Variants in COL4A1 observed in about 807,000 individuals in gnomAD.
COL4A1 encodes collagen type IV alpha 1 chain, also known as collagen alpha-1(IV) chain.
COL4A1 carries 40 observed loss-of-function variants against 216.6 expected under a neutral mutation model. The ratio of observed to expected loss-of-function variants is 0.18; its 90% confidence interval spans 0.14 to 0.24. COL4A1 has a LOEUF of 0.24. COL4A1 is among the 10% of genes least tolerant of loss of function. The pLI is 1.00. For missense variants in COL4A1, 1,628 were observed against 2,196.8 expected, an observed-to-expected ratio of 0.74 and a Z score of 5.18; for synonymous variants, 839 against 810.7, an observed-to-expected ratio of 1.03 and a Z score of -0.59.
intron 2 of COL4A1, among the ~76,000 whole-genome samples, chr13:110,226,517 A>C (rs1392274672): frequency 6.6e-6 from 1 of 152,230 alleles, no homozygotes; most frequent in Non-Finnish European, 1.5e-5. Flanking sequence ...ATACTCCATT[A>C]ATCATACTTG....
intron 41 of COL4A1, among the ~76,000 whole-genome samples, chr13:110,171,828 T>G (rs1203610361): frequency 3.9e-5 from 6 of 152,172 alleles, no homozygotes; most frequent in Non-Finnish European, 8.8e-5. Context: ...CTTGAGCAGG[T>G]GCATTTGCAA....
Position 110,189,580 on chromosome 13 carries a change from C to G in COL4A1, c.1537-2251G>C, listed in dbSNP as rs188076206. Reference sequence around the variant, plus strand: ...ACACCCAGTCTATTTGCTCTGGGTCCCAGGAAAGGCAACAAATTATTTCTA... The same window carrying G: ...ACACCCAGTCTATTTGCTCTGGGTCGCAGGAAAGGCAACAAATTATTTCTA... On this transcript the variant is annotated intron_variant, in intron 24 of 51. Coordinates refer to ENST00000375820, the MANE Select transcript of COL4A1 (RefSeq NM_001845.6). Among the ~76,000 whole-genome samples, 417 of 152,260 alleles carry G rather than the reference C, an allele frequency of 2.7e-3. 2 individuals are homozygous for G. Among genetic ancestry groups the G allele is most frequent in the Middle Eastern group, 0.01 (3 of 294 alleles).
chr13:110,182,902 A>T, intron 28 of COL4A1, 91 bp downstream of exon 28: 1 of 1,242,124 alleles, frequency 8.1e-7, no homozygotes, highest in Non-Finnish European at 1.1e-6. Flanking sequence ...AGCGGTCACC[A>T]GCTTCTGTGG....
chr13:110,246,985 G>A (rs931329849), intron 1 of COL4A1, among the ~76,000 whole-genome samples: 1 of 152,030 alleles, frequency 6.6e-6, no homozygotes, highest in African/African-American at 2.4e-5. Flanking sequence ...CGGGGGTCTC[G>A]GTCTCTCTTA....
At chr13:110,222,526 C>CACTTTG (rs1296929726) in intron 2 of COL4A1, among the ~76,000 whole-genome samples, 1 of 136,598 alleles carries the variant, frequency 7.3e-6, no homozygotes, top group African/African-American at 2.5e-5. Context: ...GTAATCCTAG[C>CACTTTG]ACTTTGGGAG....
At position 110,253,311 on chromosome 13, in the gene COL4A1, TTAC is replaced by T. The variant is rs796118696; in HGVS notation, c.85-10580_85-10578del. ...TTACATATACATATAATTATATGTATTACATATACATATAATTATATGTATTAC... is the reference window on the plus strand; with the variant it reads ...TTACATATACATATAATTATATGTATATATACATATAATTATATGTATTAC... On this transcript the variant is annotated intron_variant, in intron 1 of 51. Transcript: ENST00000375820. Among the ~76,000 whole-genome samples, 7 of 38,152 alleles carry T rather than the reference TTAC, an allele frequency of 1.8e-4. 1 individual carries two copies. Among genetic ancestry groups the T allele is most frequent in the Non-Finnish European group, 4.7e-4 (6 of 12,694 alleles). 25.0% of individuals were successfully genotyped at this position (38,152 alleles called of 152,430 possible).
intron 1 of COL4A1, among the ~76,000 whole-genome samples, chr13:110,244,721 C>T (rs542909578): frequency 6.6e-6 from 1 of 152,256 alleles, no homozygotes; most frequent in East Asian, 1.9e-4. Flanking sequence ...CTGTGTCTCC[C>T]CGGTACACCC....
Position 110,152,383 on chromosome 13 carries a change from T to G in COL4A1, c.4879A>C (p.Asn1627His). The change falls in exon 51 of 52, where the codon AAC (asparagine) becomes CAC (histidine). Residue 1627 changes from asparagine (N) to histidine (H), a missense_variant. By Grantham distance (68) the Asn-to-His change is moderately conservative (BLOSUM62 1). Coordinates refer to ENST00000375820, the MANE Select transcript of COL4A1 (RefSeq NM_001845.6). ...GTGGCGAGCCAAAAGCTGTAAGCGT[T>G]TGCGTAGTAATTGCAGGTCCCACGG... ...HGRGTCNYYA[N>H]AYSFWLATIE... The G allele has an allele frequency of 6.2e-7, 1 of 1,614,198 alleles. No individual in the cohort carries two copies. The highest frequency in any genetic ancestry group is 8.5e-7 in the Non-Finnish European group (1 of 1,180,030).
At chr13:110,270,251 G>A (rs994412121) in intron 1 of COL4A1, among the ~76,000 whole-genome samples, 1 of 152,202 alleles carries the variant, frequency 6.6e-6, no homozygotes, top group Non-Finnish European at 1.5e-5. Flanking sequence ...GCACATTAAC[G>A]ATTTCCTTGA....
At chr13:110,290,748 T>A (rs1330411146) in intron 1 of COL4A1, among the ~76,000 whole-genome samples, 3 of 151,482 alleles carry the variant, frequency 2.0e-5, no homozygotes, top group Non-Finnish European at 4.4e-5. Context: ...AAGTGGGGAC[T>A]GGAAAAGGAA....
chr13:110,198,752 C>T, intron 20 of COL4A1, 121 bp from the exon 21 acceptor site: 1 of 1,311,872 alleles, frequency 7.6e-7, no homozygotes, highest in Admixed American at 1.8e-5. Flanking sequence ...GAAAAGGGAA[C>T]TGCTTTAGAC....
chr13:110,213,689 G>T, intron 4 of COL4A1, 93 bp downstream of exon 4: 1 of 1,297,174 alleles, frequency 7.7e-7, no homozygotes, highest in Non-Finnish European at 1.1e-6. Context: ...TGGAGGACGA[G>T]GGCAAGGAGA....
rs1064794777 is a variant in COL4A1, at chr13:110,186,481, C to T, written c.1801G>A (p.Gly601Ser). ...CCATATCCTGGAGGCCCAGGGGGGCCGGTGTCACCACGACTGCCTGGGAAT... is the reference window on the plus strand; with the variant it reads ...CCATATCCTGGAGGCCCAGGGGGGCTGGTGTCACCACGACTGCCTGGGAAT... ...VGFPGSRGDTGPPGPPGYGPA... is the reference protein window; with the variant it reads ...VGFPGSRGDTSPPGPPGYGPA... Residue 601 changes from glycine (G) to serine (S), a missense_variant, in exon 26 of 52, where the codon GGC (glycine) becomes AGC (serine). Coordinates refer to ENST00000375820, the MANE Select transcript of COL4A1 (RefSeq NM_001845.6). 6.2e-7 allele frequency: 1 copy of T among 1,613,740 alleles called. No homozygotes were observed. Among genetic ancestry groups the T allele is most frequent in the Non-Finnish European group, 8.5e-7 (1 of 1,179,886 alleles).
chr13:110,242,885 G>A, intron 1 of COL4A1, 151 bp from the exon 2 acceptor site: 1 of 873,514 alleles, frequency 1.1e-6, no homozygotes. Context: ...GTTTTCATGG[G>A]GCTGTCATGC....
intron 2 of COL4A1, among the ~76,000 whole-genome samples, chr13:110,217,220 C>T (rs1161692974): frequency 6.6e-6 from 1 of 152,208 alleles, no homozygotes; most frequent in Admixed American, 6.5e-5. Flanking sequence ...GACCAGCATG[C>T]AGTATGGGGC....
intron 24 of COL4A1, 139 bp from the exon 25 acceptor site, chr13:110,187,468 C>G: frequency 1.0e-6 from 1 of 976,804 alleles, no homozygotes; most frequent in Non-Finnish European, 1.6e-6. Context: ...CATTGATTTT[C>G]TAGATGCAAG....
intron 1 of COL4A1, among the ~76,000 whole-genome samples, chr13:110,273,574 ACTGT>A (rs942304967): frequency 6.6e-6 from 1 of 152,220 alleles, no homozygotes; most frequent in Non-Finnish European, 1.5e-5. Context: ...CCTACAGTTA[ACTGT>A]CTGGTTGGAA....
At chr13:110,153,622 TA>T (rs1273977500) in intron 50 of COL4A1, among the ~76,000 whole-genome samples, 2 of 152,220 alleles carry the variant, frequency 1.3e-5, no homozygotes, top group Non-Finnish European at 2.9e-5. Flanking sequence ...GATTTCTCTA[TA>T]CAGCATTTTC....
At chr13:110,199,432 G>A (rs963234647) in intron 20 of COL4A1, among the ~76,000 whole-genome samples, 7 of 152,208 alleles carry the variant, frequency 4.6e-5, no homozygotes. Flanking sequence ...CCTGTCACTG[G>A]GGAGAAAAGC....
Sources: allele counts gnomAD v4.1 joint callset (sites outside exome capture counted in the v4.1 genomes callset), GRCh38; gene constraint gnomAD v4.1.1; transcripts MANE v1.5; gene names NCBI Gene and HGNC (gene_info 2026-07-23, HGNC 2026-07-21).